Variants in RBFOX3 observed in about 807,000 individuals in gnomAD.
RBFOX3 encodes the protein RNA binding fox-1 homolog 3.
A neutral mutation model predicts 48.7 loss-of-function variants in RBFOX3; 17 were observed. The ratio of observed to expected loss-of-function variants is 0.35; its 90% CI spans 0.24 to 0.52. RBFOX3 has a LOEUF of 0.52. Among genes scored for constraint, RBFOX3 ranks in the 20% least tolerant of loss-of-function variants. The pLI, the probability that RBFOX3 is intolerant of heterozygous loss-of-function variation, is 0.94. For synonymous variants in RBFOX3, 212 were observed against 209.5 expected (o/e 1.01, Z -0.10); for missense variants, 382 against 497.5 (o/e 0.77, Z 2.21).
At chr17:79,354,107 T>A (rs531280484) in intron 2 of RBFOX3, among the ~76,000 whole-genome samples, 6 of 152,294 alleles carry the variant, frequency 3.9e-5, no homozygotes, top group African/African-American at 1.4e-4. Flanking sequence ...TCCCCCACTG[T>A]CCACAACCGC....
intron 1 of RBFOX3, among the ~76,000 whole-genome samples, chr17:79,499,199 A>G (rs1036385923): frequency 2.7e-5 from 4 of 150,002 alleles, no homozygotes; most frequent in Admixed American, 1.3e-4. Flanking sequence ...TATTCATCCA[A>G]TCATACATAT....
intron 2 of RBFOX3, among the ~76,000 whole-genome samples, chr17:79,328,396 C>T (rs934695794): frequency 9.9e-5 from 15 of 152,244 alleles, no homozygotes; most frequent in African/African-American, 3.6e-4. Flanking sequence ...TGGCCACAAT[C>T]TGTGGCTGAG....
At chr17:79,269,473 C>T (rs1014123916) in intron 3 of RBFOX3, among the ~76,000 whole-genome samples, 5 of 152,194 alleles carry the variant, frequency 3.3e-5, no homozygotes, top group Non-Finnish European at 7.3e-5. Context: ...GCCCTTCCCA[C>T]TCCTGCCTCT....
intron 4 of RBFOX3, among the ~76,000 whole-genome samples, chr17:79,229,097 C>T (rs189166645): frequency 6.6e-6 from 1 of 151,198 alleles, no homozygotes; most frequent in African/African-American, 2.4e-5. Context: ...GGCGTGGTGG[C>T]ATACGCCTGT....
intron 1 of RBFOX3, among the ~76,000 whole-genome samples, chr17:79,539,170 A>G (rs909216001): frequency 1.3e-5 from 2 of 152,046 alleles, no homozygotes; most frequent in Non-Finnish European, 2.9e-5. Context: ...TGGGCAACAT[A>G]GCAAAAACCT....
chr17:79,524,735 C>T (rs1011226352), intron 1 of RBFOX3, among the ~76,000 whole-genome samples: 11 of 152,176 alleles, frequency 7.2e-5, no homozygotes, highest in Non-Finnish European at 1.6e-4. Flanking sequence ...CAGCACATGG[C>T]TCTGCCGTGC....
chr17:79,118,534 C>G (rs1057365688), intron 4 of RBFOX3, among the ~76,000 whole-genome samples: 1 of 152,148 alleles, frequency 6.6e-6, no homozygotes, highest in African/African-American at 2.4e-5. Flanking sequence ...AAAACAGGAG[C>G]AAGAGAAAGT....
intron 1 of RBFOX3, among the ~76,000 whole-genome samples, chr17:79,577,636 T>C (rs1365840353): frequency 7.9e-5 from 12 of 152,188 alleles, no homozygotes; most frequent in Admixed American, 7.9e-4. Flanking sequence ...GCGCACACTT[T>C]GCCAACAAAG....
intron 14 of RBFOX3, chr17:79,094,154 A>G (rs941470986): frequency 9.9e-6 from 4 of 403,472 alleles, no homozygotes; most frequent in African/African-American, 6.2e-5. Flanking sequence ...AGGGGCCTCA[A>G]CGGGACTTTA....
intron 4 of RBFOX3, among the ~76,000 whole-genome samples, chr17:79,134,828 T>C (rs894365500): frequency 5.3e-5 from 8 of 152,068 alleles, no homozygotes; most frequent in African/African-American, 1.7e-4. Flanking sequence ...TTCCCACCAG[T>C]GGTGCTGAAA....
intron 4 of RBFOX3, among the ~76,000 whole-genome samples, chr17:79,173,471 C>T (rs759830618): frequency 5.3e-5 from 8 of 152,198 alleles, no homozygotes; most frequent in Non-Finnish European, 8.8e-5. Flanking sequence ...CCCTGTGCTG[C>T]CTGGTGGGGA....
At chr17:79,282,255 C>T (rs1403138326) in intron 3 of RBFOX3, among the ~76,000 whole-genome samples, 3 of 152,098 alleles carry the variant, frequency 2.0e-5, no homozygotes. Flanking sequence ...GAGAACACGG[C>T]CACGAAAGCA....
intron 2 of RBFOX3, among the ~76,000 whole-genome samples, chr17:79,428,485 T>G (rs1375844650): frequency 1.3e-5 from 2 of 152,246 alleles, no homozygotes; most frequent in Non-Finnish European, 2.9e-5. Context: ...AACTTTTTAC[T>G]TGTCCCTAAC....
chr17:79,649,866 A>G, the RBFOX3 span, among the ~76,000 whole-genome samples: 1 of 152,094 alleles, frequency 6.6e-6, no homozygotes, highest in Non-Finnish European at 1.5e-5. Flanking sequence ...GAAGCAAGGT[A>G]TCTTCCATGG....
the RBFOX3 span, among the ~76,000 whole-genome samples, chr17:79,645,782 G>A: frequency 6.6e-6 from 1 of 152,176 alleles, no homozygotes; most frequent in African/African-American, 2.4e-5. Context: ...AGCCTGCAAT[G>A]AGCCCTCACC....
At chr17:79,445,705 C>G (rs1220625057) in intron 2 of RBFOX3, among the ~76,000 whole-genome samples, 1 of 152,210 alleles carries the variant, frequency 6.6e-6, no homozygotes, top group South Asian at 2.1e-4. Context: ...CAAAGCCCAC[C>G]CCTTCCTCCT....
At chr17:79,247,631 A>G (rs1433417217) in intron 3 of RBFOX3, among the ~76,000 whole-genome samples, 1 of 152,132 alleles carries the variant, frequency 6.6e-6, no homozygotes, top group East Asian at 1.9e-4. Flanking sequence ...TTTTAATTTA[A>G]GGCAACAACT....
Position 79,198,975 on chromosome 17 carries a change from A to G in RBFOX3, c.-34+36791T>C, listed in dbSNP as rs915687689. Among the ~76,000 whole-genome samples the G allele has an allele frequency of 1.1e-4, 17 of 152,158 alleles. No homozygotes were observed. The highest frequency in any genetic ancestry group is 3.9e-4 in the African/African-American group (16 of 41,420). On this transcript the variant is annotated intron_variant, in intron 4 of 14. Transcript: ENST00000693108. The surrounding 1 kb of genome is among the most constrained non-coding windows in gnomAD (Gnocchi z 8.2). ...TCTACTGCTTCCCACTGGTTAAAAT[A>G]CAAATTGTCTCCTGCAAAGATGCTG...
At chr17:79,233,367 A>G (rs566834188) in intron 4 of RBFOX3, among the ~76,000 whole-genome samples, 1 of 152,312 alleles carries the variant, frequency 6.6e-6, no homozygotes, top group East Asian at 1.9e-4. Context: ...GTGGGGTGTG[A>G]GGAAGAGATT....
Sources: gnomAD v4.1 joint callset for allele counts (sites outside exome capture counted in the v4.1 genomes callset) on GRCh38, gnomAD v4.1.1 for gene constraint, Gnocchi (gnomAD v3.1) non-coding constraint, MANE v1.5 for transcripts, NCBI Gene and HGNC (gene_info 2026-07-23, HGNC 2026-07-21) for gene names.